The following CDK8 variants were observed in gnomAD, a reference collection of about 807,000 sequenced individuals.
The protein encoded by CDK8 is cyclin-dependent kinase 8.
Under a neutral mutation model 71.5 loss-of-function variants are expected in CDK8, and 29 were observed. The ratio of observed to expected loss-of-function variants is 0.41; its 90% CI spans 0.30 to 0.55. The LOEUF (loss-of-function observed/expected upper bound fraction) is 0.55. Among genes scored for constraint, CDK8 ranks in the 20% least tolerant of loss-of-function variants. The pLI, the probability that CDK8 is intolerant of heterozygous loss-of-function variation, is 0.37. For missense variants in CDK8, 288 were observed against 572.6 expected (o/e 0.50, Z 5.07); for synonymous variants, 161 against 192.1 (o/e 0.84, Z 1.34).
At chr13:26,284,594 C>G (rs1872912033) in intron 1 of CDK8, among the ~76,000 whole-genome samples, 1 of 151,824 alleles carries the variant, frequency 6.6e-6, no homozygotes, top group African/African-American at 2.4e-5. Flanking sequence ...CTGAACAGAC[C>G]AGTAACAAGT....
intron 1 of CDK8, among the ~76,000 whole-genome samples, chr13:26,327,667 A>G (rs1306913538): frequency 6.6e-6 from 1 of 152,102 alleles, no homozygotes; most frequent in Non-Finnish European, 1.5e-5. Context: ...TGTCTCTACT[A>G]CAGATACAAA....
At chr13:26,308,493 C>CATTACATA (rs1874140510) in intron 1 of CDK8, among the ~76,000 whole-genome samples, 1 of 152,216 alleles carries the variant, frequency 6.6e-6, no homozygotes, top group South Asian at 2.1e-4. Context: ...GGCCACTTGG[C>CATTACATA]TGTTACCAGC....
chr13:26,284,661 T>A (rs1872914638), intron 1 of CDK8, among the ~76,000 whole-genome samples: 1 of 152,028 alleles, frequency 6.6e-6, no homozygotes, highest in Admixed American at 6.6e-5. Flanking sequence ...CAGGACTGGA[T>A]GGATTCACAG....
Position 26,401,408 on chromosome 13 carries a change from A to G in CDK8, c.1111-58A>G, listed in dbSNP as rs1876250249. The G allele has an allele frequency of 8.7e-6, 14 of 1,612,568 alleles. No homozygotes were observed. The Admixed American group carries it at 2.0e-4, about 23-fold the overall frequency. On this transcript the variant is annotated intron_variant, in intron 11 of 12. Coordinates refer to ENST00000381527, the MANE Select transcript of CDK8 (RefSeq NM_001260.3). The surrounding 1 kb of genome is among the most constrained non-coding windows in gnomAD (Gnocchi z 4.5). ...CGTGAATGCCTCCATAACATTTTCC[A>G]TTGTGGGTATATTTTGTTCTCCCTC...
At position 26,404,552 on chromosome 13, in the gene CDK8, A is replaced by AT. The variant is rs1335889390; in HGVS notation, c.*475dup. ...AATAACCAAGACTCGAAATGAGATTATTTTGGTACACCTTTCTTTTTAGTG... is the reference window on the plus strand; with the variant it reads ...AATAACCAAGACTCGAAATGAGATTATTTTTGGTACACCTTTCTTTTTAGTG... On this transcript the variant is annotated 3_prime_UTR_variant, in exon 13 of 13. Coordinates refer to ENST00000381527, the MANE Select transcript of CDK8 (RefSeq NM_001260.3). 2 of 232,754 alleles carry AT rather than the reference A, an allele frequency of 8.6e-6. No homozygotes were observed. The highest frequency in any genetic ancestry group is 2.2e-5 in the African/African-American group (1 of 45,316). The allele number at this position is 232,754 out of a possible 1,614,324, so 14.4% of individuals were successfully genotyped here. A position where few individuals can be genotyped will look rare whatever the true frequency, so the allele number is the denominator to read the frequency against.
chr13:26,339,684 T>C (rs990800039), intron 2 of CDK8, among the ~76,000 whole-genome samples: 5 of 142,458 alleles, frequency 3.5e-5, no homozygotes, highest in African/African-American at 1.2e-4. Flanking sequence ...AGCGGAAAGA[T>C]ATACTTTCCA....
At chr13:26,324,965 A>C (rs1174599258) in intron 1 of CDK8, 1 of 162,998 alleles carries the variant, frequency 6.1e-6, no homozygotes, top group Non-Finnish European at 1.3e-5. Flanking sequence ...TCTCCAAACA[A>C]GGTAAAGATG....
At chr13:26,372,369 A>G (rs905753952) in intron 4 of CDK8, among the ~76,000 whole-genome samples, 1 of 152,218 alleles carries the variant, frequency 6.6e-6, no homozygotes, top group Non-Finnish European at 1.5e-5. Context: ...TGAAAGGCAC[A>G]TTAAAACAGA....
intron 1 of CDK8, among the ~76,000 whole-genome samples, chr13:26,313,186 G>A (rs1467283869): frequency 6.6e-6 from 1 of 152,102 alleles, no homozygotes; most frequent in African/African-American, 2.4e-5. Context: ...CAAGGGCTTG[G>A]TAGAGTTTTT....
At chr13:26,322,158 T>C (rs1372132245) in intron 1 of CDK8, among the ~76,000 whole-genome samples, 1 of 152,178 alleles carries the variant, frequency 6.6e-6, no homozygotes, top group Non-Finnish European at 1.5e-5. Flanking sequence ...TTTTTCCAAC[T>C]ATTGGGAAAT....
chr13:26,313,031 T>C (rs540113295), intron 1 of CDK8, among the ~76,000 whole-genome samples: 10 of 152,318 alleles, frequency 6.6e-5, no homozygotes, highest in African/African-American at 2.4e-4. Context: ...TGAAATCAAT[T>C]ACTTGCCTGT....
At chr13:26,326,505 A>G (rs1465372186) in intron 1 of CDK8, among the ~76,000 whole-genome samples, 1 of 152,192 alleles carries the variant, frequency 6.6e-6, no homozygotes, top group Admixed American at 6.5e-5. Context: ...GGTTCTGGCC[A>G]TCTAGATCTT....
At chr13:26,317,561 G>GT (rs1488652479) in intron 1 of CDK8, among the ~76,000 whole-genome samples, 1 of 152,146 alleles carries the variant, frequency 6.6e-6, no homozygotes, top group Non-Finnish European at 1.5e-5. Flanking sequence ...AGTCTCAATA[G>GT]TTTTTTAAAG....
intron 1 of CDK8, among the ~76,000 whole-genome samples, chr13:26,317,383 C>T (rs74040501): frequency 0.058 from 8,836 of 152,044 alleles, 861 homozygotes; most frequent in African/African-American, 0.2. Flanking sequence ...AGACTTATAC[C>T]GCCTCTCAAT....
chr13:26,334,473 C>T (rs1354064458), intron 1 of CDK8, among the ~76,000 whole-genome samples: 4 of 152,082 alleles, frequency 2.6e-5, no homozygotes, highest in Admixed American at 2.6e-4. Context: ...GTCTTTCTTT[C>T]AGAAACCATT....
chr13:26,397,283 A>C (rs1248081954), intron 9 of CDK8, 58 bp downstream of exon 9: 4 of 1,074,192 alleles, frequency 3.7e-6, no homozygotes, highest in Non-Finnish European at 5.6e-6. Flanking sequence ...GACTAGCCCA[A>C]CTGAGGCTTT....
intron 6 of CDK8, among the ~76,000 whole-genome samples, chr13:26,392,842 G>C (rs1875815149): frequency 6.6e-6 from 1 of 152,044 alleles, no homozygotes; most frequent in Non-Finnish European, 1.5e-5. Context: ...GCTAACATGA[G>C]AGGGTAATTA....
At chr13:26,269,896 G>T (rs541143750) in intron 1 of CDK8, among the ~76,000 whole-genome samples, 28 of 152,180 alleles carry the variant, frequency 1.8e-4, no homozygotes, top group East Asian at 7.7e-4. Flanking sequence ...TAGAGCAGGA[G>T]AACTTGATAG....
chr13:26,275,264 T>C (rs1285400239), intron 1 of CDK8, among the ~76,000 whole-genome samples: 1 of 152,222 alleles, frequency 6.6e-6, no homozygotes, highest in African/African-American at 2.4e-5. Flanking sequence ...TTCTTATCCA[T>C]TTATTCCAGG....
Sources: allele counts gnomAD v4.1 joint callset (sites outside exome capture counted in the v4.1 genomes callset), GRCh38; gene constraint gnomAD v4.1.1; non-coding constraint Gnocchi (gnomAD v3.1); transcripts MANE v1.5; gene names NCBI Gene and HGNC (gene_info 2026-07-23, HGNC 2026-07-21).